The following PDLIM5 variants were observed in gnomAD, a reference collection of about 807,000 sequenced individuals.
The protein encoded by PDLIM5 is PDZ and LIM domain 5.
Under a neutral mutation model 64.2 loss-of-function variants are expected in PDLIM5, and 34 were observed. That is an observed-to-expected ratio of 0.53 (90% CI 0.40 to 0.71). The LOEUF (loss-of-function observed/expected upper bound fraction) is 0.71, where lower values mean the gene tolerates loss of function less well. Among genes scored for constraint, PDLIM5 ranks in the 30% least tolerant of loss-of-function variants. The pLI, the probability that PDLIM5 is intolerant of heterozygous loss-of-function variation, is 0.00. For missense variants in PDLIM5, 683 were observed against 733.6 expected, an observed-to-expected ratio of 0.93 and a Z score of 0.80; for synonymous variants, 253 against 269.1, an observed-to-expected ratio of 0.94 and a Z score of 0.59.
intron 8 of PDLIM5, among the ~76,000 whole-genome samples, chr4:94,621,907 G>A (rs1739267794): frequency 2.0e-5 from 3 of 152,000 alleles, no homozygotes; most frequent in African/African-American, 7.3e-5. Flanking sequence ...TAAAAAGAAT[G>A]TTTTCCTGTT....
At chr4:94,487,735 C>T (rs778175078) in intron 2 of PDLIM5, among the ~76,000 whole-genome samples, 4 of 152,156 alleles carry the variant, frequency 2.6e-5, no homozygotes, top group Non-Finnish European at 4.4e-5. Flanking sequence ...CAGAATCATT[C>T]CTACGGTGGT....
intron 7 of PDLIM5, among the ~76,000 whole-genome samples, chr4:94,607,275 T>C (rs1738005181): frequency 6.6e-6 from 1 of 152,144 alleles, no homozygotes; most frequent in Non-Finnish European, 1.5e-5. Context: ...CTTTTTTTTT[T>C]TAATGGCTAA....
At chr4:94,516,114 A>G (rs1405733959) in intron 2 of PDLIM5, among the ~76,000 whole-genome samples, 1 of 152,234 alleles carries the variant, frequency 6.6e-6, no homozygotes, top group Non-Finnish European at 1.5e-5. Context: ...CTGTTTTACT[A>G]AATAAGGGCT....
chr4:94,509,734 CAAG>C (rs1041849524), intron 2 of PDLIM5, among the ~76,000 whole-genome samples: 13 of 151,836 alleles, frequency 8.6e-5, no homozygotes, highest in Non-Finnish European at 1.5e-4. Flanking sequence ...TGTTTGAGGG[CAAG>C]AAGAATGCAG....
At chr4:94,496,753 A>G (rs566852395) in intron 2 of PDLIM5, among the ~76,000 whole-genome samples, 15 of 152,176 alleles carry the variant, frequency 9.9e-5, no homozygotes, top group Non-Finnish European at 1.8e-4. Context: ...TTGGCCTTCC[A>G]AAGTGTTGGG....
intron 2 of PDLIM5, among the ~76,000 whole-genome samples, chr4:94,485,689 C>T (rs546518285): frequency 6.7e-6 from 1 of 148,922 alleles, no homozygotes; most frequent in Non-Finnish European, 1.5e-5. Context: ...AAAAAAAAAA[C>T]CCCAAAAACC....
intron 2 of PDLIM5, among the ~76,000 whole-genome samples, chr4:94,520,064 TAC>T (rs1351254013): frequency 6.6e-6 from 1 of 152,152 alleles, no homozygotes; most frequent in Non-Finnish European, 1.5e-5. Context: ...TTCAGGAGCA[TAC>T]AGTTTTCTGG....
chr4:94,633,559 A>G (rs971433339), intron 8 of PDLIM5, among the ~76,000 whole-genome samples: 7 of 152,164 alleles, frequency 4.6e-5, no homozygotes, highest in African/African-American at 1.7e-4. Flanking sequence ...TCCTAGAATC[A>G]GCAATTTCTC....
intron 7 of PDLIM5, among the ~76,000 whole-genome samples, chr4:94,603,479 C>T (rs1737658790): frequency 6.6e-6 from 1 of 152,004 alleles, no homozygotes; most frequent in African/African-American, 2.4e-5. Flanking sequence ...TGTAATGCCC[C>T]CCCAACCCTC....
At chr4:94,477,498 T>C (rs550900984) in intron 2 of PDLIM5, among the ~76,000 whole-genome samples, 1 of 152,328 alleles carries the variant, frequency 6.6e-6, no homozygotes, top group South Asian at 2.1e-4. Flanking sequence ...TTTTTTGGAA[T>C]TGGCCTTTTT....
intron 11 of PDLIM5, among the ~76,000 whole-genome samples, chr4:94,659,447 C>T (rs930888085): frequency 5.3e-5 from 8 of 151,518 alleles, no homozygotes; most frequent in African/African-American, 1.9e-4. Flanking sequence ...ACCTTCCTTC[C>T]AACCTCCAAA....
At chr4:94,662,621 G>T in intron 12 of PDLIM5, 84 bp downstream of exon 12, 11 of 594,614 alleles carry the variant, frequency 1.8e-5, no homozygotes, top group East Asian at 5.6e-5. Flanking sequence ...TCAGCTTCTG[G>T]GTCTTTCAGT....
At chr4:94,636,876 G>T (rs76175084) in intron 8 of PDLIM5, among the ~76,000 whole-genome samples, 2,829 of 152,216 alleles carry the variant, frequency 0.019, 101 homozygotes, top group African/African-American at 0.065. Flanking sequence ...GGGAGGAAAA[G>T]ATATTGACAG....
intron 3 of PDLIM5, among the ~76,000 whole-genome samples, chr4:94,540,286 T>A (rs1010288054): frequency 6.6e-6 from 1 of 151,992 alleles, no homozygotes; most frequent in Admixed American, 6.6e-5. Flanking sequence ...CCCGGCTAAT[T>A]TTTTTGAATT....
chr4:94,587,486 C>T (rs1194891743), intron 7 of PDLIM5: 1 of 896,958 alleles, frequency 1.1e-6, no homozygotes, highest in Non-Finnish European at 1.3e-6. Context: ...TTATTAACAT[C>T]TCCCAAGATT....
At chr4:94,586,978 T>TTTTTTTCACAGGGAAAAA in intron 7 of PDLIM5, 1 of 1,466,712 alleles carries the variant, frequency 6.8e-7, no homozygotes, top group Non-Finnish European at 9.1e-7. Flanking sequence ...TTTTTTTTTG[T>TTTTTTTCACAGGGAAAAA]ATTTCCACAG....
At chr4:94,565,855 G>C (rs1489517223) in intron 3 of PDLIM5, among the ~76,000 whole-genome samples, 1 of 152,082 alleles carries the variant, frequency 6.6e-6, no homozygotes, top group African/African-American at 2.4e-5. Flanking sequence ...TGTACAGTCT[G>C]TAAAGTGTTC....
At chr4:94,519,293 G>A (rs571620590) in intron 2 of PDLIM5, among the ~76,000 whole-genome samples, 1 of 152,160 alleles carries the variant, frequency 6.6e-6, no homozygotes, top group South Asian at 2.1e-4. Flanking sequence ...GTGACATTGT[G>A]TAAGAATAAA....
intron 2 of PDLIM5, among the ~76,000 whole-genome samples, chr4:94,503,668 A>T (rs904272182): frequency 6.6e-6 from 1 of 152,204 alleles, no homozygotes; most frequent in Non-Finnish European, 1.5e-5. Flanking sequence ...GTCCTATTTT[A>T]AAAAACCCAA....
Sources: allele counts gnomAD v4.1 joint callset (sites outside exome capture counted in the v4.1 genomes callset), GRCh38; gene constraint gnomAD v4.1.1; transcripts MANE v1.5; gene names NCBI Gene and HGNC (gene_info 2026-07-23, HGNC 2026-07-21).